CRACDL: variants seen among roughly 807,000 people sequenced by gnomAD.
CRACDL encodes the protein CRACD like, also known as CRACD-like protein.
CRACDL carries 26 observed loss-of-function variants against 70.6 expected under a neutral mutation model. The ratio of observed to expected loss-of-function variants is 0.37; its 90% CI spans 0.27 to 0.51. The LOEUF is 0.51. CRACDL is among the 20% of genes least tolerant of loss of function. The probability of loss-of-function intolerance (pLI) is 0.94; values close to 1 mark genes in which losing one functional copy is unlikely to be tolerated. For missense variants in CRACDL, 1,283 were observed against 1,376.9 expected, an observed-to-expected ratio of 0.93 and a Z score of 1.08; for synonymous variants, 618 against 615.2, an observed-to-expected ratio of 1.00 and a Z score of -0.07.
At chr2:98,902,230 T>C (rs190535269) in intron 1 of CRACDL, among the ~76,000 whole-genome samples, 106 of 152,278 alleles carry the variant, frequency 7.0e-4, no homozygotes, top group African/African-American at 2.5e-3. Context: ...GGTGTAGTCA[T>C]GGACACAAGT....
At chr2:98,868,205 C>T (rs866355027) in intron 1 of CRACDL, among the ~76,000 whole-genome samples, 6 of 152,280 alleles carry the variant, frequency 3.9e-5, no homozygotes, top group Non-Finnish European at 5.9e-5. Context: ...TTGTAACAAA[C>T]GAAAGTGAGG....
intron 1 of CRACDL, among the ~76,000 whole-genome samples, chr2:98,930,477 C>T (rs1709046397): frequency 7.9e-6 from 1 of 126,570 alleles, no homozygotes; most frequent in South Asian, 3.0e-4. Flanking sequence ...ACCCCATCCC[C>T]GTCCCCACCC....
intron 1 of CRACDL, among the ~76,000 whole-genome samples, chr2:98,877,519 G>A (rs1053529475): frequency 6.6e-6 from 1 of 152,166 alleles, no homozygotes; most frequent in African/African-American, 2.4e-5. Flanking sequence ...GCCGAGGCAG[G>A]CGGATTACCT....
At chr2:98,874,825 T>C (rs973581496) in intron 1 of CRACDL, among the ~76,000 whole-genome samples, 4 of 152,142 alleles carry the variant, frequency 2.6e-5, no homozygotes, top group African/African-American at 9.7e-5. Flanking sequence ...CCCATCCTCG[T>C]TACTGATCAC....
At chr2:98,871,501 C>T (rs755984118) in intron 1 of CRACDL, among the ~76,000 whole-genome samples, 2 of 152,168 alleles carry the variant, frequency 1.3e-5, no homozygotes, top group Non-Finnish European at 2.9e-5. Context: ...GAAATCAAGG[C>T]CTGTGCCTCC....
At position 98,803,510 on chromosome 2, in the gene CRACDL, A is replaced by T. The variant is rs560666730; in HGVS notation, c.2417-5973T>A. Among the ~76,000 whole-genome samples, 13 of 152,322 alleles carry T rather than the reference A, an allele frequency of 8.5e-5. No individual in the cohort carries two copies. The South Asian group carries it at 2.7e-3, about 32-fold the overall frequency. On this transcript the variant is annotated intron_variant, in intron 7 of 9. Coordinates refer to ENST00000397899, the MANE Select transcript of CRACDL (RefSeq NM_207362.3). ...CTTGTTCATAGAAGTACACAAGCAT[A>T]TTGTACAGATTTAGAAAGTAGATAA...
At chr2:98,796,366 T>A in intron 8 of CRACDL, 102 bp from the exon 9 acceptor site, 28 of 1,210,480 alleles carry the variant, frequency 2.3e-5, no homozygotes, top group Non-Finnish European at 2.7e-5. Context: ...CCAAGATGCC[T>A]GCACTGCTGG....
At chr2:98,850,037 G>A (rs1358095355) in intron 1 of CRACDL, among the ~76,000 whole-genome samples, 1 of 152,334 alleles carries the variant, frequency 6.6e-6, no homozygotes, top group East Asian at 1.9e-4. Flanking sequence ...ACGTGATACT[G>A]TTTATGGACA....
chr2:98,863,926 C>T (rs1707031878), intron 1 of CRACDL, among the ~76,000 whole-genome samples: 1 of 152,148 alleles, frequency 6.6e-6, no homozygotes, highest in Non-Finnish European at 1.5e-5. Flanking sequence ...TAGGAAGTTA[C>T]TTTTTAATGC....
chr2:98,873,039 G>C (rs1464629884), intron 1 of CRACDL, among the ~76,000 whole-genome samples: 1 of 152,186 alleles, frequency 6.6e-6, no homozygotes, highest in Non-Finnish European at 1.5e-5. Context: ...ATTTGGGGCC[G>C]AGGATTTGGA....
intron 7 of CRACDL, among the ~76,000 whole-genome samples, chr2:98,811,608 G>A (rs1704567416): frequency 1.3e-5 from 2 of 150,648 alleles, no homozygotes; most frequent in South Asian, 2.1e-4. Context: ...ATTTTAACAC[G>A]TTTAGCTTCT....
chr2:98,861,499 G>A (rs374641457), intron 1 of CRACDL, among the ~76,000 whole-genome samples: 4 of 152,146 alleles, frequency 2.6e-5, no homozygotes, highest in Admixed American at 2.6e-4. Context: ...AATGTAGCAG[G>A]TACTTTGGAA....
Position 98,822,493 on chromosome 2 carries a change from C to T in CRACDL, c.1780G>A (p.Ala594Thr). 6.8e-7 allele frequency: 1 copy of T among 1,462,118 alleles called. No individual in the cohort carries two copies. Among genetic ancestry groups the T allele is most frequent in the Non-Finnish European group, 9.0e-7 (1 of 1,115,990 alleles). 90.6% of individuals were successfully genotyped at this position (1,462,118 alleles called of 1,614,324 possible). The change falls in exon 7 of 10, where the codon GCC becomes ACC. Residue 594 changes from alanine to threonine, a missense_variant. Coordinates refer to ENST00000397899, the MANE Select transcript of CRACDL (RefSeq NM_207362.3). The surrounding 1 kb of genome is among the most constrained non-coding windows in gnomAD (Gnocchi z 4.9). ...CTCGCGAGGGGCAGGCGGCCGCTGGCCCGTTCCAGCGGGCGGGAGACGCCC... is the reference window on the plus strand; with the variant it reads ...CTCGCGAGGGGCAGGCGGCCGCTGGTCCGTTCCAGCGGGCGGGAGACGCCC... ...RPGVSRPLERASGRLPLARSG... is the reference protein window; with the variant it reads ...RPGVSRPLERTSGRLPLARSG...
intron 7 of CRACDL, among the ~76,000 whole-genome samples, chr2:98,814,475 T>A (rs1387737458): frequency 2.0e-5 from 3 of 152,182 alleles, no homozygotes; most frequent in Non-Finnish European, 4.4e-5. Flanking sequence ...TTTCCAGATA[T>A]TTTTCAGATG....
chr2:98,896,998 T>C (rs779940339), intron 1 of CRACDL, among the ~76,000 whole-genome samples: 1 of 152,126 alleles, frequency 6.6e-6, no homozygotes, highest in Non-Finnish European at 1.5e-5. Flanking sequence ...GGGTTTGACA[T>C]ACAAGCCCAT....
chr2:98,802,149 C>T (rs192721690), intron 7 of CRACDL, among the ~76,000 whole-genome samples: 17 of 152,362 alleles, frequency 1.1e-4, no homozygotes, highest in South Asian at 8.3e-4. Flanking sequence ...TAAGGGCAGG[C>T]GCCTCATCCT....
intron 1 of CRACDL, among the ~76,000 whole-genome samples, chr2:98,899,572 A>C (rs1181013958): frequency 6.6e-6 from 1 of 152,176 alleles, no homozygotes; most frequent in Admixed American, 6.5e-5. Context: ...GTGCCCTAGC[A>C]GGGGGCACTG....
chr2:98,827,518 C>T (rs897559819), intron 5 of CRACDL, among the ~76,000 whole-genome samples: 14 of 152,206 alleles, frequency 9.2e-5, no homozygotes, highest in Non-Finnish European at 1.6e-4. Context: ...TCTTAAACTC[C>T]TGACCTTGTG....
chr2:98,833,484 AT>A, intron 3 of CRACDL, among the ~76,000 whole-genome samples: 1 of 152,208 alleles, frequency 6.6e-6, no homozygotes, highest in Non-Finnish European at 1.5e-5. Context: ...CAAGACATAC[AT>A]CCGTGGGTGG....
Sources: allele counts gnomAD v4.1 joint callset (sites outside exome capture counted in the v4.1 genomes callset), GRCh38; gene constraint gnomAD v4.1.1; non-coding constraint Gnocchi (gnomAD v3.1); transcripts MANE v1.5; gene names NCBI Gene and HGNC (gene_info 2026-07-23, HGNC 2026-07-21).